The following PDE2A variants were observed in gnomAD, a reference collection of about 807,000 sequenced individuals.
PDE2A encodes cGMP-dependent 3',5'-cyclic phosphodiesterase.
In PDE2A, 53 loss-of-function variants were observed where a neutral mutation model predicts 133.6. The ratio of observed to expected loss-of-function variants is 0.40; its 90% CI spans 0.32 to 0.50. The LOEUF is 0.50. PDE2A is among the 20% of genes least tolerant of loss of function. The pLI is 0.73. For missense variants in PDE2A, 796 were observed against 1,232.4 expected, an observed-to-expected ratio of 0.65 and a Z score of 5.30; for synonymous variants, 491 against 490.2, an observed-to-expected ratio of 1.00 and a Z score of -0.02.
rs759612535 is a variant in PDE2A at position 72,582,564 on chromosome 11, G to A, written c.1731C>T (p.Val577=). The change falls in exon 21 of 31, where the codon GTC becomes GTT. Residue 577 remains valine, a splice_region_variant and synonymous_variant. Coordinates refer to ENST00000334456, the MANE Select transcript of PDE2A (RefSeq NM_002599.5). ...GAAGTTTGGTATACTCATCATCGGA[G>A]ACCTAGAGGAGACCAGCCAGAGCAT... ...ANEMMMYHMK[V]SDDEYTKLLH... 1.2e-6 allele frequency: 2 copies of A among 1,610,824 alleles called. No individual in the cohort carries two copies. The highest frequency in any genetic ancestry group is 2.2e-5 in the South Asian group (2 of 90,680).
chr11:72,658,715 G>A lies in PDE2A; in HGVS notation c.71+15422C>T, dbSNP rs76326386. Among the ~76,000 whole-genome samples the A allele has an allele frequency of 1.1e-4, 16 of 152,216 alleles. No homozygotes were observed. In the East Asian group the frequency reaches 2.5e-3, roughly 24 times the overall value. ...AGGAGAATGGGAACAAAATTAACAC[G>A]CAGTCACACAACAAAGCATTTACTG... On this transcript the variant is annotated intron_variant, in intron 1 of 30. Transcript: ENST00000334456.
At position 72,620,644 on chromosome 11, in the gene PDE2A, C is replaced by A. The variant is rs376574276; in HGVS notation, c.145-11893G>T. Reference sequence around the variant, plus strand: ...TGTGCCTCAGCTGCGGGTATGGACTCCTATCCACCCCCACCCTCCCGACCG... The same window carrying A: ...TGTGCCTCAGCTGCGGGTATGGACTACTATCCACCCCCACCCTCCCGACCG... On this transcript the variant is annotated intron_variant, in intron 2 of 30. Coordinates refer to ENST00000334456, the MANE Select transcript of PDE2A (RefSeq NM_002599.5). 1.2e-3 allele frequency among the ~76,000 whole-genome samples: 177 copies of A among 152,224 alleles called. 1 individual carries two copies. The highest frequency in any genetic ancestry group is 4.2e-3 in the African/African-American group (173 of 41,512).
At chr11:72,587,878 C>G (rs942880814) in intron 13 of PDE2A, 1 of 152,292 alleles carries the variant, frequency 6.6e-6, no homozygotes, top group Non-Finnish European at 1.5e-5. Flanking sequence ...CTCCACCCTA[C>G]CCCAGCAGAC....
intron 24 of PDE2A, 67 bp downstream of exon 24, chr11:72,580,819 C>G: frequency 9.2e-7 from 1 of 1,085,344 alleles, no homozygotes; most frequent in Non-Finnish European, 1.4e-6. Context: ...CATCTTCAGG[C>G]TGGGAGAGGA....
rs766581031 is a variant in PDE2A, at chr11:72,588,768, T to C, written c.1070+16A>G. ...CAGTGACATCTCCTGATCTGCATCA[T>C]CCCACAAAGACTCACAAGTCTCCTT... On this transcript the variant is annotated intron_variant, in intron 13 of 30. Coordinates refer to ENST00000334456, the MANE Select transcript of PDE2A (RefSeq NM_002599.5). 4.2e-5 allele frequency: 67 copies of C among 1,581,252 alleles called. No homozygotes were observed. The highest frequency in any genetic ancestry group is 2.6e-4 in the Admixed American group (15 of 57,628).
chr11:72,613,185 C>G (rs1164068587), intron 2 of PDE2A, among the ~76,000 whole-genome samples: 1 of 152,142 alleles, frequency 6.6e-6, no homozygotes, highest in Non-Finnish European at 1.5e-5. Flanking sequence ...CACTGCCTGG[C>G]ACTGGCTCCA....
At chr11:72,674,073 C>A in intron 1 of PDE2A, 64 bp downstream of exon 1, 1 of 1,534,944 alleles carries the variant, frequency 6.5e-7, no homozygotes, top group Non-Finnish European at 9.0e-7. Context: ...TGGAGGGACT[C>A]CCAGGACCCT....
At position 72,584,276 on chromosome 11, in the gene PDE2A, A is replaced by G; in HGVS notation, c.1575T>C (p.Asn525=). The part of the protein sequence containing the change: ...IGVAELVNKI[N]GPWFSKFDED... ...CGTCGAACTTGCTGAACCATGGCCC[A>G]TTGATCTTGTTCACCAGCTCGGCCA... is the stretch of plus-strand genomic sequence containing the variant. Residue 525 remains asparagine, a synonymous_variant, in exon 19 of 31, where the codon AAT becomes AAC. Coordinates refer to ENST00000334456, the MANE Select transcript of PDE2A (RefSeq NM_002599.5). The G allele has an allele frequency of 6.2e-7, 1 of 1,610,816 alleles. No homozygotes were observed. The highest frequency in any genetic ancestry group is 8.5e-7 in the Non-Finnish European group (1 of 1,178,268).
chr11:72,618,763 G>A (rs1449629134), intron 2 of PDE2A, among the ~76,000 whole-genome samples: 1 of 152,162 alleles, frequency 6.6e-6, no homozygotes, highest in African/African-American at 2.4e-5. Flanking sequence ...GGGCCTACGA[G>A]CCCATGGGAC....
Position 72,590,121 on chromosome 11 carries a change from G to A in PDE2A, c.756+71C>T. On this transcript the variant is annotated intron_variant, in intron 9 of 30. Coordinates refer to ENST00000334456, the MANE Select transcript of PDE2A (RefSeq NM_002599.5). This position sits in a 1 kb window ranked among gnomAD's most constrained non-coding sequence, Gnocchi z 4.8. ...CATCGTAATTGGAACTGAGATGGAG[G>A]GCTCAAGGGGAAGTTGGTCCCCGGA... The A allele has an allele frequency of 1.4e-6, 2 of 1,429,486 alleles. No individual in the cohort carries two copies. The highest frequency in any genetic ancestry group is 1.3e-5 in the South Asian group (1 of 79,864). The allele number at this position is 1,429,486 out of a possible 1,614,324, so 88.6% of individuals were successfully genotyped here.
At chr11:72,624,950 TTG>T (rs1369826079) in intron 2 of PDE2A, among the ~76,000 whole-genome samples, 4 of 152,246 alleles carry the variant, frequency 2.6e-5, no homozygotes, top group African/African-American at 9.6e-5. Context: ...AGTGTCCCTC[TTG>T]GCATCACCCT....
At chr11:72,581,795 T>C (rs754199263) in intron 22 of PDE2A, 82 bp downstream of exon 22, 12 of 1,306,950 alleles carry the variant, frequency 9.2e-6, no homozygotes, top group Non-Finnish European at 1.3e-5. Flanking sequence ...AGAGAGATCC[T>C]CTCCAGAATG....
At chr11:72,661,164 G>C (rs527912960) in intron 1 of PDE2A, among the ~76,000 whole-genome samples, 3 of 152,074 alleles carry the variant, frequency 2.0e-5, no homozygotes, top group African/African-American at 4.8e-5. Flanking sequence ...AATTAGCCAG[G>C]CATGGTGGTG....
chr11:72,617,550 A>G (rs1182392394), intron 2 of PDE2A, among the ~76,000 whole-genome samples: 4 of 152,140 alleles, frequency 2.6e-5, no homozygotes, highest in Non-Finnish European at 5.9e-5. Context: ...GCTTTGTCCT[A>G]TGACTGTATT....
intron 2 of PDE2A, among the ~76,000 whole-genome samples, chr11:72,634,502 C>T (rs1858584452): frequency 6.6e-6 from 1 of 152,184 alleles, no homozygotes; most frequent in Non-Finnish European, 1.5e-5. Context: ...CCAGGGCCAG[C>T]TTTGGTCTGT....
chr11:72,655,155 C>T (rs1337224411), intron 1 of PDE2A, among the ~76,000 whole-genome samples: 1 of 152,210 alleles, frequency 6.6e-6, no homozygotes. Flanking sequence ...CCACACACAC[C>T]CTGTACGCAC....
In PDE2A at chr11:72,642,342, A is replaced by G; in HGVS notation, c.72-16T>C. ...CTGGCCCCGCCTGAGGAATTGGACA[A>G]CAGCGATGAGGATGTGGTGCAGCAC... On this transcript the variant is annotated splice_polypyrimidine_tract_variant and intron_variant, in intron 1 of 30. Coordinates refer to ENST00000334456, the MANE Select transcript of PDE2A (RefSeq NM_002599.5). The G allele has an allele frequency of 1.3e-6, 2 of 1,533,064 alleles. No individual in the cohort carries two copies. The highest frequency in any genetic ancestry group is 1.8e-6 in the Non-Finnish European group (2 of 1,142,336). 95.0% of individuals were successfully genotyped at this position (1,533,064 alleles called of 1,614,324 possible).
chr11:72,674,270 T>C lies in PDE2A; in HGVS notation c.-63A>G. On this transcript the variant is annotated 5_prime_UTR_variant, in exon 1 of 31. Transcript: ENST00000334456. ...GGCACCTCGCCCTGTCCCCGCTGCC[T>C]GGAGTTCAGGGCAGGGCACCCCCAG... The C allele has an allele frequency of 1.3e-6, 2 of 1,526,874 alleles. No individual in the cohort carries two copies. Among genetic ancestry groups the C allele is most frequent in the Non-Finnish European group, 1.8e-6 (2 of 1,127,318 alleles). The allele number at this position is 1,526,874 out of a possible 1,614,324, so 94.6% of individuals were successfully genotyped here.
chr11:72,598,212 G>A (rs1591045975), intron 4 of PDE2A, among the ~76,000 whole-genome samples: 1 of 152,136 alleles, frequency 6.6e-6, no homozygotes, highest in Non-Finnish European at 1.5e-5. Flanking sequence ...GGCACCAAGA[G>A]GCTAATTCAC....
Sources: gnomAD v4.1 joint callset for allele counts (sites outside exome capture counted in the v4.1 genomes callset) on GRCh38, gnomAD v4.1.1 for gene constraint, Gnocchi (gnomAD v3.1) non-coding constraint, MANE v1.5 for transcripts, NCBI Gene and HGNC (gene_info 2026-07-23, HGNC 2026-07-21) for gene names.